The following CDC42BPB variants were observed in gnomAD, a reference collection of about 807,000 sequenced individuals.
CDC42BPB encodes CDC42 binding protein kinase beta.
In CDC42BPB, 37 loss-of-function variants were observed where a neutral mutation model predicts 214.9. The observed-to-expected ratio is 0.17, with a 90% confidence interval of 0.13 to 0.23. The LOEUF is 0.23. Ranked by LOEUF, CDC42BPB falls within the 10% of genes least tolerant of loss-of-function variation. The pLI, the probability that CDC42BPB is intolerant of heterozygous loss-of-function variation, is 1.00. For missense variants in CDC42BPB, 1,694 were observed against 2,227.0 expected (o/e 0.76, Z 4.82); for synonymous variants, 931 against 884.0 (o/e 1.05, Z -0.94).
chr14:102,972,629 C>CAGTG (rs1893529163), intron 12 of CDC42BPB, among the ~76,000 whole-genome samples: 1 of 134,542 alleles, frequency 7.4e-6, no homozygotes, highest in Non-Finnish European at 1.5e-5. Context: ...GCAGAGGTTG[C>CAGTG]AGTGAGCCGA....
At chr14:103,036,803 A>C (rs764840900) in intron 1 of CDC42BPB, among the ~76,000 whole-genome samples, 5 of 152,144 alleles carry the variant, frequency 3.3e-5, no homozygotes, top group Non-Finnish European at 7.3e-5. Context: ...TTTCTCATTA[A>C]AAGTCGTGAC....
In CDC42BPB at chr14:102,943,825, G is replaced by A. The variant is rs1892013383; in HGVS notation, c.4408+66C>T. On this transcript the variant is annotated intron_variant, in intron 30 of 36. Transcript: ENST00000361246. The surrounding 1 kb of genome is among the most constrained non-coding windows in gnomAD (Gnocchi z 4.6). ...CTGGAAGACAAACCAAAGCAAAATC[G>A]AACACATGCTGACTGTCGGTGGGAA... 1.0e-5 allele frequency: 15 copies of A among 1,451,074 alleles called. No individual in the cohort carries two copies. The highest frequency in any genetic ancestry group is 1.9e-4 in the Middle Eastern group (1 of 5,266). 89.9% of individuals were successfully genotyped at this position (1,451,074 alleles called of 1,614,324 possible).
intron 12 of CDC42BPB, among the ~76,000 whole-genome samples, chr14:102,972,855 C>T (rs34613374): frequency 0.01 from 1,535 of 151,868 alleles, 15 homozygotes; most frequent in Non-Finnish European, 0.015. Context: ...TTTGGGCACT[C>T]AATCTAGTTA....
At chr14:103,038,721 G>T (rs111303713) in intron 1 of CDC42BPB, among the ~76,000 whole-genome samples, 1,629 of 109,828 alleles carry the variant, frequency 0.015, 103 homozygotes, top group African/African-American at 0.057. Flanking sequence ...GAGACGGGGG[G>T]GGGGGGCGGG....
At chr14:102,938,266 C>A (rs200590802) in intron 35 of CDC42BPB, 40 bp downstream of exon 35, 1 of 1,599,794 alleles carries the variant, frequency 6.3e-7, no homozygotes, top group Non-Finnish European at 8.5e-7. Context: ...CCCTACCCCC[C>A]ACCTCCCCCA....
At chr14:102,965,608 T>C (rs1893166423) in intron 18 of CDC42BPB, among the ~76,000 whole-genome samples, 1 of 152,118 alleles carries the variant, frequency 6.6e-6, no homozygotes, top group South Asian at 2.1e-4. Flanking sequence ...AAACCTTTCA[T>C]TGAACACAAT....
chr14:102,950,045 C>G, intron 25 of CDC42BPB, 141 bp from the exon 26 acceptor site: 2 of 1,482,682 alleles, frequency 1.3e-6, no homozygotes, highest in South Asian at 2.7e-5. Context: ...CCCAAGAAGG[C>G]TCAAGGCGTT....
At chr14:103,015,803 G>C (rs1886422278) in intron 1 of CDC42BPB, among the ~76,000 whole-genome samples, 1 of 152,016 alleles carries the variant, frequency 6.6e-6, no homozygotes, top group Admixed American at 6.6e-5. Flanking sequence ...CCGCCTCCTG[G>C]GTTCAAGCGA....
intron 3 of CDC42BPB, among the ~76,000 whole-genome samples, chr14:103,008,086 A>C (rs1373872509): frequency 6.6e-6 from 1 of 152,154 alleles, no homozygotes; most frequent in Non-Finnish European, 1.5e-5. Context: ...AATCGTGAGG[A>C]TCCTCTAGGT....
chr14:103,042,015 C>G (rs1252312227), intron 1 of CDC42BPB: 2 of 260,768 alleles, frequency 7.7e-6, no homozygotes, highest in Non-Finnish European at 1.6e-5. Flanking sequence ...TCCACATGGT[C>G]CATGCTGACG....
At position 103,004,164 on chromosome 14, in the gene CDC42BPB, C is replaced by T. The variant is rs544276266; in HGVS notation, c.352-141G>A. 12 of 1,394,150 alleles carry T rather than the reference C, an allele frequency of 8.6e-6. No homozygotes were observed. The highest frequency in any genetic ancestry group is 5.5e-5 in the East Asian group (2 of 36,408). The allele number at this position is 1,394,150 out of a possible 1,614,324, so 86.4% of individuals were successfully genotyped here. ...CCGGGCTCCTCCTCGTGCACCACCCCGAGGCTGCTGAGGCTGAGCCATCCC... is the reference window on the plus strand; with the variant it reads ...CCGGGCTCCTCCTCGTGCACCACCCTGAGGCTGCTGAGGCTGAGCCATCCC... On this transcript the variant is annotated intron_variant, in intron 3 of 36. Coordinates refer to ENST00000361246, the MANE Select transcript of CDC42BPB (RefSeq NM_006035.4). The surrounding 1 kb of genome is among the most constrained non-coding windows in gnomAD (Gnocchi z 5.3).
intron 14 of CDC42BPB, 64 bp downstream of exon 14, chr14:102,970,087 T>A: frequency 7.8e-7 from 1 of 1,289,296 alleles, no homozygotes; most frequent in South Asian, 1.2e-5. Context: ...GACTTCCATG[T>A]GGTGGCGTCA....
At chr14:102,953,305 G>A (rs1177773502) in intron 23 of CDC42BPB, among the ~76,000 whole-genome samples, 1 of 152,270 alleles carries the variant, frequency 6.6e-6, no homozygotes, top group Non-Finnish European at 1.5e-5. Context: ...GGCTGAGGTG[G>A]GCAGGGAGGC....
rs1259216896 is a variant in CDC42BPB, at chr14:103,057,487, C to T, written c.-314G>A. The T allele has an allele frequency of 1.6e-5, 3 of 189,698 alleles. No homozygotes were observed. The highest frequency in any genetic ancestry group is 7.2e-5 in the African/African-American group (3 of 41,534). 11.8% of individuals were successfully genotyped at this position (189,698 alleles called of 1,614,324 possible). On this transcript the variant is annotated 5_prime_UTR_variant, in exon 1 of 37. Coordinates refer to ENST00000361246, the MANE Select transcript of CDC42BPB (RefSeq NM_006035.4). ...CGCGGCCGCGCCCTCCCCGCCGCCGCCGCCGCAGACTAGGAGCGGCGAGGA... is the reference window on the plus strand; with the variant it reads ...CGCGGCCGCGCCCTCCCCGCCGCCGTCGCCGCAGACTAGGAGCGGCGAGGA...
chr14:102,964,471 C>G, intron 19 of CDC42BPB, 31 bp downstream of exon 19: 1 of 1,610,498 alleles, frequency 6.2e-7, no homozygotes. Context: ...GCCACTGCTC[C>G]TACCTGGAGT....
At chr14:102,934,014 G>A (rs1289282307) in intron 36 of CDC42BPB, 171 bp from the exon 37 acceptor site, 9 of 1,361,436 alleles carry the variant, frequency 6.6e-6, no homozygotes, top group Admixed American at 4.1e-5. Flanking sequence ...GCCCTTAGGC[G>A]TGCTGGTGAG....
At position 103,057,437 on chromosome 14, in the gene CDC42BPB, C is replaced by T; in HGVS notation, c.-264G>A. 2 of 493,582 alleles carry T rather than the reference C, an allele frequency of 4.1e-6. No individual in the cohort carries two copies. The highest frequency in any genetic ancestry group is 5.2e-6 in the Non-Finnish European group (2 of 382,518). 30.6% of individuals were successfully genotyped at this position (493,582 alleles called of 1,614,324 possible). On this transcript the variant is annotated 5_prime_UTR_variant, in exon 1 of 37. Coordinates refer to ENST00000361246, the MANE Select transcript of CDC42BPB (RefSeq NM_006035.4). ...CGCCGCCCTCCCAGCTCGGGCGGCCCGCCCCCGCCGCCCTCAGCCCCGCCC... is the reference window on the plus strand; with the variant it reads ...CGCCGCCCTCCCAGCTCGGGCGGCCTGCCCCCGCCGCCCTCAGCCCCGCCC...
intron 27 of CDC42BPB, 112 bp from the exon 28 acceptor site, chr14:102,946,796 G>A (rs1595453753): frequency 6.8e-7 from 1 of 1,478,100 alleles, no homozygotes; most frequent in South Asian, 1.4e-5. Context: ...GGGCTGATGT[G>A]CTTCCCAGGC....
intron 4 of CDC42BPB, among the ~76,000 whole-genome samples, chr14:103,002,625 G>A (rs1895040153): frequency 6.6e-6 from 1 of 152,100 alleles, no homozygotes; most frequent in Admixed American, 6.5e-5. Context: ...GGGGGTTTAT[G>A]TGGAGGTGGC....
Sources: allele counts gnomAD v4.1 joint callset (sites outside exome capture counted in the v4.1 genomes callset), GRCh38; gene constraint gnomAD v4.1.1; non-coding constraint Gnocchi (gnomAD v3.1); transcripts MANE v1.5; gene names NCBI Gene and HGNC (gene_info 2026-07-23, HGNC 2026-07-21).